AHNAK: variants seen among roughly 807,000 people sequenced by gnomAD.
The protein encoded by AHNAK is neuroblast differentiation-associated protein AHNAK.
AHNAK carries 23 observed loss-of-function variants against 37.8 expected under a neutral mutation model. The observed-to-expected ratio is 0.61, with a 90% CI of 0.44 to 0.86. The LOEUF is 0.86. Ranked by LOEUF, AHNAK falls within the 40% of genes least tolerant of loss-of-function variation. The probability of loss-of-function intolerance (pLI) is 0.00; values close to 1 mark genes in which losing one functional copy is unlikely to be tolerated. For missense variants in AHNAK, 7,411 were observed against 7,319.4 expected (o/e 1.01, Z -0.46); for synonymous variants, 2,481 against 2,636.3 (o/e 0.94, Z 1.80).
chr11:62,477,434 G>T (rs897750114), intron 5 of AHNAK, among the ~76,000 whole-genome samples: 4 of 152,146 alleles, frequency 2.6e-5, no homozygotes, highest in Admixed American at 2.0e-4. Flanking sequence ...CCTGGGTGAT[G>T]AAATAACCTG....
At position 62,533,196 on chromosome 11, in the gene AHNAK, G is replaced by A. The variant is rs2134244445; in HGVS notation, c.1221C>T (p.Ser407=). 6.5e-7 allele frequency: 1 copy of A among 1,528,442 alleles called. No individual in the cohort carries two copies. Among genetic ancestry groups the A allele is most frequent in the East Asian group, 2.3e-5 (1 of 44,360 alleles). The allele number at this position is 1,528,442 out of a possible 1,614,324, so 94.7% of individuals were successfully genotyped here. The change falls in exon 5 of 5, where the codon AGC becomes AGT. Residue 407 remains serine, a synonymous_variant. Coordinates refer to ENST00000378024, the MANE Select transcript of AHNAK (RefSeq NM_001620.3). ...GAACTTCCACACTGGGGCCAGTGAT[G>A]CTACCCCCAATTTGGGGAGCAGAGG... ...VDASAPQIGG[S]ITGPSVEVQA...
At position 62,531,773 on chromosome 11, in the gene AHNAK, T is replaced by C; in HGVS notation, c.2644A>G (p.Met882Val). ...AAGCCAGGCATGCTGAACTTGGGCA[T>C]TTTCATCTTGGGCATCTTCAGGTGC... ...DWHLKMPKMK[M>V]PKFSMPGFKA... The change falls in exon 5 of 5, where the codon ATG becomes GTG. Residue 882 changes from methionine (M) to valine (V), a missense_variant. By Grantham distance (21) the Met-to-Val change is conservative (BLOSUM62 1). Transcript: ENST00000378024. 1 of 1,613,504 alleles carries C rather than the reference T, an allele frequency of 6.2e-7. No homozygotes were observed. The highest frequency in any genetic ancestry group is 8.5e-7 in the Non-Finnish European group (1 of 1,179,914).
At chr11:62,450,335 T>TTTGTTG (rs564924222) in intron 5 of AHNAK, among the ~76,000 whole-genome samples, 3 of 151,370 alleles carry the variant, frequency 2.0e-5, no homozygotes, top group Non-Finnish European at 1.5e-5. Flanking sequence ...TTTTTTTGTA[T>TTTGTTG]TTGTTGTTGT....
chr11:62,445,929 T>A lies in AHNAK; in HGVS notation c.443-12038A>T, dbSNP rs375688689. Among the ~76,000 whole-genome samples, 28 of 145,686 alleles carry A rather than the reference T, an allele frequency of 1.9e-4. No homozygotes were observed. The South Asian group carries it at 5.9e-3, about 31-fold the overall frequency. Reference sequence around the variant, plus strand: ...TACTCAGGAGGCTGAGGCAGGAGAATCACTTGAACCCAGGAGGCGGAGGTT... The same window carrying A: ...TACTCAGGAGGCTGAGGCAGGAGAAACACTTGAACCCAGGAGGCGGAGGTT... On this transcript the variant is annotated intron_variant, in intron 5 of 5. Transcript: ENST00000257247.
chr11:62,512,162 T>C (rs12287248), downstream of AHNAK, among the ~76,000 whole-genome samples: 4,032 of 152,206 alleles, frequency 0.026, 180 homozygotes, highest in African/African-American at 0.091. The surrounding 1 kb of genome is among the most constrained non-coding windows in gnomAD (Gnocchi z 4.0). Context: ...CTGGTTATTC[T>C]CTATCTGTTC....
At position 62,521,224 on chromosome 11, in the gene AHNAK, T is replaced by C. The variant is rs1335094015; in HGVS notation, c.13193A>G (p.Lys4398Arg). 1.2e-6 allele frequency: 2 copies of C among 1,613,912 alleles called. No homozygotes were observed. The highest frequency in any genetic ancestry group is 1.3e-5 in the African/African-American group (1 of 74,866). Residue 4398 changes from lysine to arginine, a missense_variant, in exon 5 of 5, where the codon AAA becomes AGA. By Grantham distance (26) the Lys-to-Arg change is conservative. Transcript: ENST00000378024. ...AGAGACATCCACATCACCTTTCACTTTGGGACCCTTCAAGTTAAAGTCAAT... is the reference window on the plus strand; with the variant it reads ...AGAGACATCCACATCACCTTTCACTCTGGGACCCTTCAAGTTAAAGTCAAT... ...PDIDFNLKGP[K>R]VKGDVDVSLP... is the part of the protein sequence containing the mutation.
intron 4 of AHNAK, among the ~76,000 whole-genome samples, chr11:62,506,429 C>T (rs1296072167): frequency 6.6e-6 from 1 of 152,046 alleles, no homozygotes; most frequent in East Asian, 1.9e-4. Flanking sequence ...AAATCAGCCT[C>T]GCCCTGCAGC....
In AHNAK at chr11:62,523,359, C is replaced by A. The variant is rs1421127589; in HGVS notation, c.11058G>T (p.Lys3686Asn). The change falls in exon 5 of 5, where the codon AAG (lysine) becomes AAT (asparagine). Residue 3686 changes from lysine (K) to asparagine (N), a missense_variant. By Grantham distance (94) the Lys-to-Asn change is moderately conservative. Transcript: ENST00000378024. The stretch of plus-strand genomic sequence containing the variant: ...TGGGCAAAGACACAACCACATCACC[C>A]TTCATTTTGGGTCCCTTCAAGTTCA... ...FDLNLKGPKMKGDVVVSLPKV... is the reference protein window; with the variant it reads ...FDLNLKGPKMNGDVVVSLPKV... 4 of 1,612,518 alleles carry A rather than the reference C, an allele frequency of 2.5e-6. No homozygotes were observed. Among genetic ancestry groups the A allele is most frequent in the Non-Finnish European group, 3.4e-6 (4 of 1,179,482 alleles).
downstream of AHNAK, among the ~76,000 whole-genome samples, chr11:62,513,058 C>T (rs1020566001): frequency 3.3e-5 from 5 of 152,238 alleles, no homozygotes; most frequent in Non-Finnish European, 7.3e-5. Flanking sequence ...TGTCCACACA[C>T]AGTCACACTG....
intron 5 of AHNAK, among the ~76,000 whole-genome samples, chr11:62,485,147 C>T (rs763665813): frequency 1.3e-5 from 2 of 152,108 alleles, no homozygotes; most frequent in Non-Finnish European, 2.9e-5. Context: ...ATCTGTAACC[C>T]CAGCACTTTG....
Position 62,516,752 on chromosome 11 carries a change from T to C in AHNAK, c.17665A>G (p.Lys5889Glu), listed in dbSNP as rs759432234. The C allele has an allele frequency of 1.2e-6, 2 of 1,609,848 alleles. No individual in the cohort carries two copies. The highest frequency in any genetic ancestry group is 1.3e-5 in the African/African-American group (1 of 74,694). ...PEVELSVSTK[K>E]E Reference sequence around the variant, plus strand: ...ACACATACAAAGGCCTGCTACTCTTTCTTTGTGGAAACTGACAGCTCCACC... The same window carrying C: ...ACACATACAAAGGCCTGCTACTCTTCCTTTGTGGAAACTGACAGCTCCACC... The change falls in exon 5 of 5, where the codon AAA becomes GAA. Residue 5889 changes from lysine to glutamate, a missense_variant. Coordinates refer to ENST00000378024, the MANE Select transcript of AHNAK (RefSeq NM_001620.3).
chr11:62,516,807 A>G lies in AHNAK; in HGVS notation c.17610T>C (p.Ser5870=), dbSNP rs772641747. 6.2e-7 allele frequency: 1 copy of G among 1,614,018 alleles called. No individual in the cohort carries two copies. Among genetic ancestry groups the G allele is most frequent in the South Asian group, 1.1e-5 (1 of 91,050 alleles). Residue 5870 remains serine, a synonymous_variant, in exon 5 of 5, where the codon AGT becomes AGC. Coordinates refer to ENST00000378024, the MANE Select transcript of AHNAK (RefSeq NM_001620.3). ...GAAGCTGGATGCCAACCTTATTCCCACTGTCATTGCTAGAAGAGGAGGACA... is the reference window on the plus strand; with the variant it reads ...GAAGCTGGATGCCAACCTTATTCCCGCTGTCATTGCTAGAAGAGGAGGACA... ...SRLSSSSSND[S]GNKVGIQLPE...
chr11:62,455,995 C>T lies in AHNAK; in HGVS notation c.443-22104G>A, dbSNP rs760208541. Among the ~76,000 whole-genome samples the T allele has an allele frequency of 1.4e-4, 22 of 152,144 alleles. 1 individual carries two copies. The highest frequency in any genetic ancestry group is 4.1e-4 in the South Asian group (2 of 4,824). On this transcript the variant is annotated intron_variant, in intron 5 of 5. Transcript: ENST00000257247. ...CGTAAGTTGCAGTGAGCCAAGATCA[C>T]GCCACTGCACTCCAGGCTGGGCAAC...
chr11:62,484,882 C>T (rs1036193723), intron 5 of AHNAK, among the ~76,000 whole-genome samples: 1 of 152,174 alleles, frequency 6.6e-6, no homozygotes, highest in African/African-American at 2.4e-5. Context: ...CTCCGCCTCC[C>T]GGGTTCAGGC....
chr11:62,536,267 A>G, intron 2 of AHNAK, 169 bp from the exon 3 acceptor site: 1 of 619,592 alleles, frequency 1.6e-6, no homozygotes, highest in Non-Finnish European at 2.6e-6. Context: ...GGGGTGGGGT[A>G]ATTCGTCTCA....
In AHNAK at chr11:62,521,356, A is replaced by G. The variant is rs560829299; in HGVS notation, c.13061T>C (p.Ile4354Thr). 1.4e-5 allele frequency: 23 copies of G among 1,613,502 alleles called. No homozygotes were observed. The highest frequency in any genetic ancestry group is 8.3e-5 in the Admixed American group (5 of 59,914). ...TTCGATACTGACATCAGGGGCATCA[A>G]TGTCCACTTTGGGGCCAGAAATCTC... is the stretch of plus-strand genomic sequence containing the variant. ...DIEISGPKVD[I>T]DAPDVSIEGP... The change falls in exon 5 of 5, where the codon ATT becomes ACT. Residue 4354 changes from isoleucine to threonine, a missense_variant. Transcript: ENST00000378024.
chr11:62,499,569 C>G (rs1029182041), intron 4 of AHNAK, among the ~76,000 whole-genome samples: 5 of 152,090 alleles, frequency 3.3e-5, no homozygotes, highest in Admixed American at 6.6e-5. Flanking sequence ...AAAAAACCAG[C>G]CGCACAAGTT....
intron 1 of AHNAK, among the ~76,000 whole-genome samples, chr11:62,538,967 C>T (rs76777313): frequency 0.035 from 5,252 of 152,212 alleles, 310 homozygotes; most frequent in African/African-American, 0.12. Flanking sequence ...CAGACCCCAG[C>T]CCCCGACAGC....
At chr11:62,469,121 A>C (rs1470561124) in intron 5 of AHNAK, among the ~76,000 whole-genome samples, 1 of 151,662 alleles carries the variant, frequency 6.6e-6, no homozygotes, top group Admixed American at 6.6e-5. Context: ...GGATCTCCTG[A>C]TTTCCTTTTT....
Sources: allele counts gnomAD v4.1 joint callset (sites outside exome capture counted in the v4.1 genomes callset), GRCh38; gene constraint gnomAD v4.1.1; non-coding constraint Gnocchi (gnomAD v3.1); transcripts MANE v1.5; gene names NCBI Gene and HGNC (gene_info 2026-07-23, HGNC 2026-07-21).